MYOF: variants seen among roughly 807,000 people sequenced by gnomAD.
MYOF encodes myoferlin.
Under a neutral mutation model 284.2 loss-of-function variants are expected in MYOF, and 244 were observed. The ratio of observed to expected loss-of-function variants is 0.86; its 90% CI spans 0.77 to 0.95. MYOF has a LOEUF of 0.95. Among genes scored for constraint, MYOF ranks in the 40% least tolerant of loss-of-function variants. The pLI is 0.00. For missense variants in MYOF, 2,496 were observed against 2,560.6 expected (o/e 0.97, Z 0.54); for synonymous variants, 904 against 919.7 (o/e 0.98, Z 0.31).
chr10:93,321,648 G>C (rs1438770927), intron 48 of MYOF, among the ~76,000 whole-genome samples: 1 of 151,782 alleles, frequency 6.6e-6, no homozygotes, highest in Admixed American at 6.6e-5. Flanking sequence ...CCACCCCTAA[G>C]GGTCACCATC....
At chr10:93,359,469 G>A (rs1439688248) in intron 29 of MYOF, among the ~76,000 whole-genome samples, 2 of 152,168 alleles carry the variant, frequency 1.3e-5, no homozygotes, top group Non-Finnish European at 2.9e-5. Flanking sequence ...TACACATCTT[G>A]TTCCAAGTCC....
intron 19 of MYOF, among the ~76,000 whole-genome samples, chr10:93,386,690 T>C (rs1399607132): frequency 6.6e-6 from 1 of 152,228 alleles, no homozygotes; most frequent in Non-Finnish European, 1.5e-5. Flanking sequence ...CTGCTTTGGA[T>C]GCTAACCTCC....
chr10:93,319,657 A>G (rs541920536), intron 49 of MYOF, among the ~76,000 whole-genome samples: 7 of 152,198 alleles, frequency 4.6e-5, no homozygotes. Context: ...GTGAGGGGAA[A>G]GAAAGTTGTG....
chr10:93,369,754 C>T lies in MYOF; in HGVS notation c.2480G>A (p.Gly827Glu). ...TCGCAACTCCACAGGCACCTTTGGC[C>T]CGTTGTTTTTCTCCTGTGGATACTG... ...FLKYPQEKNN[G>E]PKVPVELRVN... Residue 827 changes from glycine to glutamate, a missense_variant, in exon 25 of 54, where the codon GGG (glycine) becomes GAG (glutamate). Gly to Glu is a moderately conservative substitution (Grantham distance 98, BLOSUM62 -2). Coordinates refer to ENST00000359263, the MANE Select transcript of MYOF (RefSeq NM_013451.4). The T allele has an allele frequency of 6.2e-7, 1 of 1,614,126 alleles. No individual in the cohort carries two copies. Among genetic ancestry groups the T allele is most frequent in the Non-Finnish European group, 8.5e-7 (1 of 1,180,008 alleles).
rs1846456030 is a variant in MYOF, at chr10:93,387,742, A to T, written c.1698+55T>A. The T allele has an allele frequency of 3.4e-6, 5 of 1,462,154 alleles. No homozygotes were observed. The Admixed American group carries it at 5.0e-5, about 15-fold the overall frequency. The allele number at this position is 1,462,154 out of a possible 1,614,324, so 90.6% of individuals were successfully genotyped here. On this transcript the variant is annotated intron_variant, in intron 19 of 53. Transcript: ENST00000359263. Reference sequence around the variant, plus strand: ...TTCCGACTCCCCCAGCTACCCCTTCAGTCCCTGGAGGTCTCCTTTTCTATA... The same window carrying T: ...TTCCGACTCCCCCAGCTACCCCTTCTGTCCCTGGAGGTCTCCTTTTCTATA...
At chr10:93,431,024 C>CTTTTTTTTTT (rs113713765) in intron 4 of MYOF, among the ~76,000 whole-genome samples, 16 of 117,846 alleles carry the variant, frequency 1.4e-4, no homozygotes, top group East Asian at 2.3e-4. Context: ...TTTTTCTTTT[C>CTTTTTTTTTT]TTTTTTTTTT....
chr10:93,378,521 T>C (rs533549421), intron 21 of MYOF, among the ~76,000 whole-genome samples: 1 of 151,812 alleles, frequency 6.6e-6, no homozygotes, highest in African/African-American at 2.4e-5. Flanking sequence ...TTAGATCAAG[T>C]ATACTCCTGA....
intron 1 of MYOF, chr10:93,478,257 A>G: frequency 3.6e-6 from 1 of 276,654 alleles, no homozygotes; most frequent in South Asian, 3.5e-5. Context: ...TGTGTAGTCT[A>G]ATCTCAGCTA....
At chr10:93,382,392 C>T (rs1846166543) in intron 19 of MYOF, among the ~76,000 whole-genome samples, 1 of 151,884 alleles carries the variant, frequency 6.6e-6, no homozygotes, top group South Asian at 2.1e-4. Context: ...GCCACTGCAC[C>T]CAGCTAAACT....
intron 26 of MYOF, 41 bp from the exon 27 acceptor site, chr10:93,364,116 G>C (rs776812308): frequency 5.1e-6 from 8 of 1,566,826 alleles, no homozygotes; most frequent in Non-Finnish European, 7.0e-6. Flanking sequence ...AGGAGACCGG[G>C]TAACCGGCAG....
chr10:93,423,890 G>A, intron 5 of MYOF, among the ~76,000 whole-genome samples: 1 of 151,348 alleles, frequency 6.6e-6, no homozygotes, highest in East Asian at 1.9e-4. Context: ...GAAGATCCTT[G>A]AGCCACTCAG....
intron 38 of MYOF, among the ~76,000 whole-genome samples, chr10:93,341,743 A>T (rs1270495018): frequency 6.6e-6 from 1 of 152,262 alleles, no homozygotes; most frequent in African/African-American, 2.4e-5. Flanking sequence ...GAATCAAATC[A>T]TTAAATGGCA....
intron 1 of MYOF, among the ~76,000 whole-genome samples, chr10:93,479,086 T>C (rs1282004843): frequency 1.3e-5 from 2 of 152,106 alleles, no homozygotes; most frequent in Non-Finnish European, 2.9e-5. Context: ...TGTTTACATA[T>C]TTCTGTTAAC....
intron 43 of MYOF, 67 bp from the exon 44 acceptor site, chr10:93,329,901 C>G: frequency 6.5e-7 from 1 of 1,528,340 alleles, no homozygotes; most frequent in Non-Finnish European, 9.0e-7. Context: ...AACTGGGGCT[C>G]TGTGCACAGA....
intron 10 of MYOF, 40 bp downstream of exon 10, chr10:93,402,820 G>T (rs1390651888): frequency 6.4e-7 from 1 of 1,561,776 alleles, no homozygotes. Context: ...TAGAAGGAAT[G>T]AATTTAAGAC....
In MYOF at chr10:93,319,976, C is replaced by A; in HGVS notation, c.5494G>T (p.Asp1832Tyr). The A allele has an allele frequency of 6.2e-7, 1 of 1,614,192 alleles. No individual in the cohort carries two copies. Among genetic ancestry groups the A allele is most frequent in the South Asian group, 1.1e-5 (1 of 91,088 alleles). Residue 1832 changes from aspartate to tyrosine, a missense_variant, in exon 49 of 54, where the codon GAT becomes TAT. Physicochemically the swap from Asp to Tyr is radical, Grantham distance 160. Coordinates refer to ENST00000359263, the MANE Select transcript of MYOF (RefSeq NM_013451.4). The stretch of plus-strand genomic sequence containing the variant: ...CCATCCAAAGATCTGTAATGGACAT[C>A]TGTTTTCTGTTTGTTTTCTTCATTG... ...PGNEENKQKT[D>Y]VHYRSLDGEG...
chr10:93,431,462 T>A lies in MYOF; in HGVS notation c.291A>T (p.Arg97Ser), dbSNP rs1213761112. Residue 97 changes from arginine to serine, a missense_variant, in exon 4 of 54, where the codon AGA becomes AGT. Transcript: ENST00000359263. ...ALKDLTGDQS[R>S]SLPYKLISLL... is the part of the protein sequence containing the mutation. The stretch of plus-strand genomic sequence containing the variant: ...GGGAGATCAGCTTGTACGGCAGGGA[T>A]CTGCTCTGGTCACCAGTCAGGTCCT... The A allele has an allele frequency of 3.1e-6, 5 of 1,614,006 alleles. No individual in the cohort carries two copies. The highest frequency in any genetic ancestry group is 4.2e-6 in the Non-Finnish European group (5 of 1,180,008).
Position 93,366,484 on chromosome 10 carries a change from A to T in MYOF, c.2661T>A (p.Asp887Glu), listed in dbSNP as rs773701879. The T allele has an allele frequency of 1.2e-6, 2 of 1,613,962 alleles. No individual in the cohort carries two copies. The highest frequency in any genetic ancestry group is 2.2e-5 in the South Asian group (2 of 91,068). Residue 887 changes from aspartate (D) to glutamate (E), a missense_variant, in exon 26 of 54, where the codon GAT (aspartate) becomes GAA (glutamate). Transcript: ENST00000359263. ...SGLVGRHKFS[D>E]VTGKIKLKRE... Reference sequence around the variant, plus strand: ...TCTTGAGTTTTATTTTTCCTGTGACATCAGAAAACTTATGACGTCCTACTA... The same window carrying T: ...TCTTGAGTTTTATTTTTCCTGTGACTTCAGAAAACTTATGACGTCCTACTA...
chr10:93,306,815 G>C lies in MYOF; in HGVS notation c.*148C>G, dbSNP rs1490780138. The stretch of plus-strand genomic sequence containing the variant: ...TGTTGGCCTGACTTTCCAGGACTAA[G>C]ACCCTCTGGGAATCAATGGGGCTCG... On this transcript the variant is annotated 3_prime_UTR_variant, in exon 54 of 54. Coordinates refer to ENST00000359263, the MANE Select transcript of MYOF (RefSeq NM_013451.4). 4 of 797,726 alleles carry C rather than the reference G, an allele frequency of 5.0e-6. No homozygotes were observed. The African/African-American group carries it at 7.1e-5, about 14-fold the overall frequency. The allele number at this position is 797,726 out of a possible 1,614,324, so 49.4% of individuals were successfully genotyped here.
Sources: allele counts gnomAD v4.1 joint callset (sites outside exome capture counted in the v4.1 genomes callset), GRCh38; gene constraint gnomAD v4.1.1; transcripts MANE v1.5; gene names NCBI Gene and HGNC (gene_info 2026-07-23, HGNC 2026-07-21).